Variants in PARN observed in about 807,000 individuals in gnomAD.
PARN encodes poly(A)-specific ribonuclease.
A neutral mutation model predicts 102.8 loss-of-function variants in PARN; 71 were observed. The ratio of observed to expected loss-of-function variants is 0.69; its 90% CI spans 0.57 to 0.84. The LOEUF is 0.84. PARN is among the 40% of genes least tolerant of loss of function. The pLI, the probability that PARN is intolerant of heterozygous loss-of-function variation, is 0.00. For synonymous variants in PARN, 261 were observed against 252.9 expected (o/e 1.03, Z -0.30); for missense variants, 782 against 760.9 (o/e 1.03, Z -0.33).
At chr16:14,598,539 C>T (rs1970666450) in intron 12 of PARN, among the ~76,000 whole-genome samples, 1 of 152,152 alleles carries the variant, frequency 6.6e-6, no homozygotes, top group South Asian at 2.1e-4. Context: ...TAGGTGTGCA[C>T]AACATGAGCA....
At chr16:14,508,124 T>G (rs1234216640) in intron 21 of PARN, among the ~76,000 whole-genome samples, 1 of 152,238 alleles carries the variant, frequency 6.6e-6, no homozygotes, top group East Asian at 1.9e-4. Context: ...TTTATTTTTA[T>G]AAATACTTTT....
chr16:14,608,014 C>A (rs556764462), intron 9 of PARN: 12 of 453,354 alleles, frequency 2.6e-5, no homozygotes, highest in Admixed American at 2.1e-4. Context: ...TTATTGTATA[C>A]CCCAAAGGAC....
intron 22 of PARN, among the ~76,000 whole-genome samples, chr16:14,459,178 G>A (rs528733969): frequency 1.3e-5 from 2 of 152,302 alleles, no homozygotes; most frequent in African/African-American, 4.8e-5. Context: ...GAGAAATAAA[G>A]GCAAGAGAAA....
intron 18 of PARN, among the ~76,000 whole-genome samples, chr16:14,572,979 C>T (rs1968900410): frequency 6.6e-6 from 1 of 151,912 alleles, no homozygotes; most frequent in Non-Finnish European, 1.5e-5. Flanking sequence ...GCCTCAACCT[C>T]CTGGGCTCAA....
At chr16:14,510,476 A>T (rs1567334494) in intron 21 of PARN, among the ~76,000 whole-genome samples, 1 of 152,226 alleles carries the variant, frequency 6.6e-6, no homozygotes, top group African/African-American at 2.4e-5. Context: ...ACTGAACCAC[A>T]AATTATATAG....
intron 22 of PARN, among the ~76,000 whole-genome samples, chr16:14,472,415 G>A (rs1962800181): frequency 6.6e-6 from 1 of 152,200 alleles, no homozygotes; most frequent in African/African-American, 2.4e-5. Context: ...GGAGGAATGA[G>A]TGGGGGTGGT....
At chr16:14,574,417 T>A (rs1483615270) in intron 18 of PARN, among the ~76,000 whole-genome samples, 1 of 152,094 alleles carries the variant, frequency 6.6e-6, no homozygotes, top group African/African-American at 2.4e-5. Flanking sequence ...GACAATGTGA[T>A]AGACAAGAAA....
chr16:14,501,338 T>C (rs1596525367), intron 21 of PARN, among the ~76,000 whole-genome samples: 1 of 139,458 alleles, frequency 7.2e-6, no homozygotes, highest in East Asian at 2.1e-4. Flanking sequence ...TCTGGAGTGG[T>C]GGTGTGCGCC....
intron 21 of PARN, among the ~76,000 whole-genome samples, chr16:14,511,245 C>T (rs1017811020): frequency 2.6e-5 from 4 of 152,070 alleles, no homozygotes; most frequent in Admixed American, 2.0e-4. Context: ...GTGATGAGTC[C>T]AAGGTCTCAT....
intron 14 of PARN, among the ~76,000 whole-genome samples, chr16:14,586,029 C>G (rs1441202611): frequency 6.8e-6 from 1 of 146,036 alleles, no homozygotes; most frequent in Non-Finnish European, 1.5e-5. Context: ...GTCACCCAGG[C>G]TGGATAGTAG....
intron 21 of PARN, among the ~76,000 whole-genome samples, chr16:14,538,346 G>A (rs1966703384): frequency 6.6e-6 from 1 of 150,588 alleles, no homozygotes; most frequent in Non-Finnish European, 1.5e-5. Context: ...AGCCTCCCAA[G>A]TAACTGGGAC....
intron 21 of PARN, among the ~76,000 whole-genome samples, chr16:14,539,325 T>A (rs985497136): frequency 6.6e-6 from 1 of 152,224 alleles, no homozygotes; most frequent in Non-Finnish European, 1.5e-5. Context: ...GCATTCTAAC[T>A]GCCACAGGAC....
intron 21 of PARN, among the ~76,000 whole-genome samples, chr16:14,496,642 G>A (rs1304740919): frequency 6.6e-6 from 1 of 152,138 alleles, no homozygotes; most frequent in Non-Finnish European, 1.5e-5. Context: ...AGATCTGCTA[G>A]ATCATGTGAA....
At chr16:14,447,218 T>C in intron 22 of PARN, 137 bp from the exon 23 acceptor site, 1 of 529,496 alleles carries the variant, frequency 1.9e-6, no homozygotes, top group Non-Finnish European at 3.2e-6. Flanking sequence ...TGCCTGTGTG[T>C]AAAAATTAAA....
intron 12 of PARN, among the ~76,000 whole-genome samples, chr16:14,597,016 A>C (rs1970559960): frequency 6.6e-6 from 1 of 151,780 alleles, no homozygotes; most frequent in African/African-American, 2.4e-5. Flanking sequence ...CGAACTCCCG[A>C]CCTCCAGTGA....
intron 6 of PARN, 134 bp downstream of exon 6, chr16:14,617,456 G>T (rs1346003165): frequency 1.6e-6 from 1 of 627,278 alleles, no homozygotes; most frequent in Non-Finnish European, 2.9e-6. Flanking sequence ...TGTACTGGCT[G>T]CACATGTATG....
At chr16:14,616,954 C>T (rs72789503) in intron 6 of PARN, among the ~76,000 whole-genome samples, 4,350 of 151,954 alleles carry the variant, frequency 0.029, 83 homozygotes, top group Non-Finnish European at 0.045. Context: ...GCCACTATAT[C>T]ACGCCAGTGG....
At chr16:14,524,213 AG>A (rs1288437471) in intron 21 of PARN, among the ~76,000 whole-genome samples, 3 of 152,146 alleles carry the variant, frequency 2.0e-5, no homozygotes, top group Admixed American at 2.0e-4. Context: ...TGTTTCCCCA[AG>A]ACAGCTACCT....
rs111238537 is a variant in PARN at position 14,544,483 on chromosome 16, G to A, written c.1480+7538C>T. Among the ~76,000 whole-genome samples, 328 of 152,304 alleles carry A rather than the reference G, an allele frequency of 2.2e-3. 1 individual carries two copies. Among genetic ancestry groups the A allele is most frequent in the African/African-American group, 7.1e-3 (296 of 41,566 alleles). On this transcript the variant is annotated intron_variant, in intron 21 of 23. Coordinates refer to ENST00000437198, the MANE Select transcript of PARN (RefSeq NM_002582.4). ...TCAGCTACTCAGGAGGCTGAGGCAG[G>A]AGAATCACTTAAAGCCAGGAGGTGG...
Sources: gnomAD v4.1 joint callset for allele counts (sites outside exome capture counted in the v4.1 genomes callset) on GRCh38, gnomAD v4.1.1 for gene constraint, MANE v1.5 for transcripts, NCBI Gene and HGNC (gene_info 2026-07-23, HGNC 2026-07-21) for gene names.